Variants in DARS2 observed in about 807,000 individuals in gnomAD.
DARS2 encodes aspartyl-tRNA synthetase 2, mitochondrial, also known as aspartate--tRNA ligase, mitochondrial.
DARS2 carries 63 observed loss-of-function variants against 83.0 expected under a neutral mutation model. The ratio of observed to expected loss-of-function variants is 0.76; its 90% CI spans 0.62 to 0.94. DARS2 has a LOEUF of 0.94. DARS2 is among the 40% of genes least tolerant of loss of function. The pLI is 0.00. For missense variants in DARS2, 675 were observed against 774.4 expected (o/e 0.87, Z 1.52); for synonymous variants, 250 against 269.3 (o/e 0.93, Z 0.70).
At position 173,825,181 on chromosome 1, in the gene DARS2, CG is replaced by C; in HGVS notation, c.-47del. 6.2e-7 allele frequency: 1 copy of C among 1,600,136 alleles called. No homozygotes were observed. Among genetic ancestry groups the C allele is most frequent in the Non-Finnish European group, 8.5e-7 (1 of 1,170,862 alleles). The stretch of plus-strand genomic sequence containing the variant: ...ATTTCCAAAACTGACTTTTAACTAC[CG>C]GCAGCGTGGGATTTCGTGATTGTTT... On this transcript the variant is annotated 5_prime_UTR_variant, in exon 1 of 17. Coordinates refer to ENST00000649689, the MANE Select transcript of DARS2 (RefSeq NM_018122.5).
intron 15 of DARS2, among the ~76,000 whole-genome samples, chr1:173,855,343 C>A (rs1653821073): frequency 6.6e-6 from 1 of 152,180 alleles, no homozygotes; most frequent in South Asian, 2.1e-4. Flanking sequence ...CTCAAGAGAT[C>A]CACCCGCCTT....
intron 7 of DARS2, among the ~76,000 whole-genome samples, chr1:173,836,267 C>T (rs985586013): frequency 6.6e-6 from 1 of 151,670 alleles, no homozygotes; most frequent in African/African-American, 2.4e-5. Flanking sequence ...TCTGGCCGGG[C>T]GCAGTGGCTC....
At position 173,828,323 on chromosome 1, in the gene DARS2, C is replaced by A. The variant is rs201817953; in HGVS notation, c.228-10C>A. The stretch of plus-strand genomic sequence containing the variant: ...TTAAAATGTTTCTTTTCCCCCCCCC[C>A]ATTAATCAGGCAAAACACATTCTTG... On this transcript the variant is annotated splice_polypyrimidine_tract_variant and intron_variant, in intron 2 of 16. Coordinates refer to ENST00000649689, the MANE Select transcript of DARS2 (RefSeq NM_018122.5). 12 of 1,355,032 alleles carry A rather than the reference C, an allele frequency of 8.9e-6. 1 individual carries two copies. Among genetic ancestry groups the A allele is most frequent in the Admixed American group, 5.3e-5 (3 of 56,342 alleles). The allele number at this position is 1,355,032 out of a possible 1,614,324, so 83.9% of individuals were successfully genotyped here.
At chr1:173,848,131 G>A (rs1474820879) in intron 12 of DARS2, among the ~76,000 whole-genome samples, 1 of 152,138 alleles carries the variant, frequency 6.6e-6, no homozygotes, top group Non-Finnish European at 1.5e-5. Flanking sequence ...GGGATTACAG[G>A]CGTGAGCCAC....
intron 13 of DARS2, chr1:173,852,299 C>T (rs1653702710): frequency 2.1e-6 from 2 of 951,542 alleles, no homozygotes; most frequent in East Asian, 1.2e-4. Flanking sequence ...TTGCCAAGCC[C>T]GTTCTAAGCA....
intron 12 of DARS2, among the ~76,000 whole-genome samples, chr1:173,847,922 G>C (rs1327650752): frequency 6.9e-6 from 1 of 143,952 alleles, no homozygotes. Flanking sequence ...GTGCCATCTC[G>C]GCTCACTGCA....
chr1:173,841,583 CAGG>C (rs1423535853), intron 11 of DARS2, among the ~76,000 whole-genome samples: 1 of 151,668 alleles, frequency 6.6e-6, no homozygotes, highest in African/African-American at 2.4e-5. Flanking sequence ...GAGGTCAAGG[CAGG>C]AGAATTGCTT....
intron 10 of DARS2, among the ~76,000 whole-genome samples, chr1:173,840,132 ATTC>A (rs1171498692): frequency 2.0e-5 from 3 of 152,216 alleles, no homozygotes; most frequent in Non-Finnish European, 4.4e-5. Flanking sequence ...TCAGTGGTCA[ATTC>A]TTAGAATGAA....
intron 8 of DARS2, among the ~76,000 whole-genome samples, chr1:173,837,316 G>A (rs565814649): frequency 4.6e-5 from 7 of 151,706 alleles, no homozygotes; most frequent in African/African-American, 1.7e-4. Context: ...AAGGTGTTAA[G>A]GCTAGTAAGC....
chr1:173,827,075 G>A (rs1652610792), intron 2 of DARS2, among the ~76,000 whole-genome samples: 1 of 152,128 alleles, frequency 6.6e-6, no homozygotes, highest in South Asian at 2.1e-4. Context: ...ATGATACTGG[G>A]CTTACTAAGA....
rs554466760 is a variant in DARS2, at chr1:173,832,679, G to T, written c.493-697G>T. 4.0e-5 allele frequency among the ~76,000 whole-genome samples: 6 copies of T among 149,630 alleles called. No individual in the cohort carries two copies. The East Asian group carries it at 1.2e-3, about 30-fold the overall frequency. ...AGCCGCTCGGGAGGCTGAGGCAGGA[G>T]AATCGCTTGAACCCGGGAGGCAGAG... On this transcript the variant is annotated intron_variant, in intron 5 of 16. Coordinates refer to ENST00000649689, the MANE Select transcript of DARS2 (RefSeq NM_018122.5).
chr1:173,838,081 G>GT (rs1653073245), intron 8 of DARS2, 109 bp from the exon 9 acceptor site: 2 of 919,580 alleles, frequency 2.2e-6, no homozygotes, highest in Admixed American at 2.0e-5. Context: ...CCCTTCTTAC[G>GT]TTTTTTAAGT....
At chr1:173,855,699 CTG>C (rs1653835346) in intron 15 of DARS2, among the ~76,000 whole-genome samples, 2 of 151,978 alleles carry the variant, frequency 1.3e-5, no homozygotes, top group African/African-American at 4.8e-5. Context: ...GTCACCCAGA[CTG>C]GAGTGCAGTG....
At position 173,830,694 on chromosome 1, in the gene DARS2, C is replaced by T; in HGVS notation, c.329C>T (p.Ala110Val). Residue 110 changes from alanine to valine, a missense_variant, in exon 4 of 17, where the codon GCC becomes GTC. Physicochemically the swap from Ala to Val is moderately conservative, Grantham distance 64. Coordinates refer to ENST00000649689, the MANE Select transcript of DARS2 (RefSeq NM_018122.5). The stretch of plus-strand genomic sequence containing the variant: ...TCTGTGAAGAAGATTTTATGTGAAG[C>T]CCCTGTGGAATCTGTGGTGCAAGTG... Reference protein sequence around the residue: ...AASVKKILCEAPVESVVQVSG... With the variant: ...AASVKKILCEVPVESVVQVSG... The T allele has an allele frequency of 6.2e-7, 1 of 1,613,976 alleles. No individual in the cohort carries two copies. The highest frequency in any genetic ancestry group is 8.5e-7 in the Non-Finnish European group (1 of 1,179,884).
At chr1:173,828,028 A>G (rs1208524138) in intron 2 of DARS2, among the ~76,000 whole-genome samples, 1 of 152,210 alleles carries the variant, frequency 6.6e-6, no homozygotes, top group Non-Finnish European at 1.5e-5. Flanking sequence ...TTGTTCATCT[A>G]TAATAATTTT....
chr1:173,851,402 A>T lies in DARS2; in HGVS notation c.1344+923A>T, dbSNP rs186765743. 2.2e-3 allele frequency among the ~76,000 whole-genome samples: 334 copies of T among 152,318 alleles called. 2 individuals carry two copies. The highest frequency in any genetic ancestry group is 7.6e-3 in the African/African-American group (314 of 41,568). ...ATGAAAAAATATTTTCAGTGTCAAG[A>T]TTTCACAAATGAAGAAAATTAGGAG... On this transcript the variant is annotated intron_variant, in intron 13 of 16. Coordinates refer to ENST00000649689, the MANE Select transcript of DARS2 (RefSeq NM_018122.5).
Position 173,857,552 on chromosome 1 carries a change from T to C in DARS2, c.1785T>C (p.Ser595=), listed in dbSNP as rs756274465. 1.9e-6 allele frequency: 3 copies of C among 1,614,052 alleles called. No homozygotes were observed. The highest frequency in any genetic ancestry group is 3.3e-5 in the Admixed American group (2 of 60,000). ...LDRLICLVTG[S]PSIRDVIAFP... ...GACTGATATGCCTTGTCACTGGATC[T>C]CCAAGCATCAGAGATGTCATAGCCT... Residue 595 remains serine, a synonymous_variant, in exon 17 of 17, where the codon TCT becomes TCC. Coordinates refer to ENST00000649689, the MANE Select transcript of DARS2 (RefSeq NM_018122.5).
At chr1:173,850,212 C>G in intron 12 of DARS2, 115 bp from the exon 13 acceptor site, 2 of 1,189,378 alleles carry the variant, frequency 1.7e-6, no homozygotes, top group Non-Finnish European at 2.3e-6. Context: ...TAGAGACAAT[C>G]TCTTTTAAAT....
chr1:173,852,879 G>A (rs1653725850), intron 13 of DARS2, among the ~76,000 whole-genome samples: 1 of 152,112 alleles, frequency 6.6e-6, no homozygotes, highest in South Asian at 2.1e-4. Flanking sequence ...AGTGTGCCAG[G>A]CACTTACCAA....
Sources: gnomAD v4.1 joint callset for allele counts (sites outside exome capture counted in the v4.1 genomes callset) on GRCh38, gnomAD v4.1.1 for gene constraint, MANE v1.5 for transcripts, NCBI Gene and HGNC (gene_info 2026-07-23, HGNC 2026-07-21) for gene names.